Variants in RIPOR3 observed in about 807,000 individuals in gnomAD.
RIPOR3 encodes family with sequence similarity 65 member C.
Under a neutral mutation model 114.3 loss-of-function variants are expected in RIPOR3, and 95 were observed. That is an observed-to-expected ratio of 0.83 (90% CI 0.70 to 0.99). RIPOR3 has a LOEUF of 0.99. Among genes scored for constraint, RIPOR3 ranks in the 50% least tolerant of loss-of-function variants. The pLI, the probability that RIPOR3 is intolerant of heterozygous loss-of-function variation, is 0.00. For missense variants in RIPOR3, 1,252 were observed against 1,266.9 expected (o/e 0.99, Z 0.18); for synonymous variants, 575 against 543.8 (o/e 1.06, Z -0.80).
intron 1 of RIPOR3, among the ~76,000 whole-genome samples, 163 bp from the exon 2 acceptor site, chr20:50,631,019 T>C (rs1409175262): frequency 6.6e-6 from 1 of 152,138 alleles, no homozygotes; most frequent in Non-Finnish European, 1.5e-5. Flanking sequence ...TGAGGTCCCA[T>C]GAGGTTAGGG....
chr20:50,623,559 G>A (rs1013474037), intron 2 of RIPOR3, among the ~76,000 whole-genome samples: 1 of 152,140 alleles, frequency 6.6e-6, no homozygotes, highest in East Asian at 1.9e-4. Context: ...TAGTTTTGGG[G>A]ACCCAGGATG....
chr20:50,593,024 C>A lies in RIPOR3; in HGVS notation c.2374+11G>T, dbSNP rs1481487942. ...TTCCTCTGCTATGACAGCCACCCAC[C>A]CCAGTCTTACCTTCCTTGGTGAGCT... On this transcript the variant is annotated intron_variant, in intron 18 of 21. Coordinates refer to ENST00000327979, the MANE Select transcript of RIPOR3 (RefSeq NM_001290268.2). The A allele has an allele frequency of 3.1e-6, 5 of 1,613,632 alleles. No homozygotes were observed. The South Asian group carries it at 5.5e-5, about 18-fold the overall frequency.
At chr20:50,674,003 C>A (rs2086609506) in intron 1 of RIPOR3, among the ~76,000 whole-genome samples, 1 of 152,196 alleles carries the variant, frequency 6.6e-6, no homozygotes, top group Admixed American at 6.5e-5. Flanking sequence ...AGGAGTCATG[C>A]TGCTTTCAAT....
At chr20:50,593,302 G>C (rs1438302300) in intron 17 of RIPOR3, 106 bp from the exon 18 acceptor site, 1 of 1,314,964 alleles carries the variant, frequency 7.6e-7, no homozygotes, top group African/African-American at 1.5e-5. Flanking sequence ...GCCGGGCGCA[G>C]TGGCTCGCAC....
intron 1 of RIPOR3, among the ~76,000 whole-genome samples, chr20:50,671,785 GGGATGGAT>G (rs538319586): frequency 6.6e-6 from 1 of 151,890 alleles, no homozygotes; most frequent in Non-Finnish European, 1.5e-5. Flanking sequence ...GGTGGGCGAA[GGGATGGAT>G]GGATGGATGG....
intron 8 of RIPOR3, 50 bp downstream of exon 8, chr20:50,609,231 CCTCAGCAGAAGT>C (rs2083854383): frequency 1.0e-5 from 16 of 1,579,940 alleles, no homozygotes; most frequent in Non-Finnish European, 1.4e-5. Context: ...TTCCCGTGCC[CCTCAGCAGAAGT>C]CTCAGGGCCT....
intron 2 of RIPOR3, among the ~76,000 whole-genome samples, chr20:50,625,316 C>T (rs909868781): frequency 6.6e-6 from 1 of 152,226 alleles, no homozygotes; most frequent in Non-Finnish European, 1.5e-5. Flanking sequence ...AAGTGATCCG[C>T]CTGCCTTGGC....
rs190230484 is a variant in RIPOR3 at position 50,678,247 on chromosome 20, T to C, written c.3+12879A>G. ...AGAGCCCACAAGGCACAGTACAGGT[T>C]TCCTCTCTCCAGTCCACATAAGGGC... On this transcript the variant is annotated intron_variant, in intron 1 of 21. Coordinates refer to ENST00000327979, the MANE Select transcript of RIPOR3 (RefSeq NM_001290268.2). 7.2e-5 allele frequency among the ~76,000 whole-genome samples: 11 copies of C among 152,330 alleles called. No individual in the cohort carries two copies. The East Asian group carries it at 2.1e-3, about 29-fold the overall frequency.
Position 50,615,995 on chromosome 20 carries a change from G to T in RIPOR3, c.348+7C>A, listed in dbSNP as rs750033013. ...CTGGGTGGGAAGCAGGCAGGGAGGG[G>T]TCTCACCAGCCTGGAATTCCTCCTG... On this transcript the variant is annotated splice_region_variant and intron_variant, in intron 4 of 21. Coordinates refer to ENST00000327979, the MANE Select transcript of RIPOR3 (RefSeq NM_001290268.2). 5 of 1,603,880 alleles carry T rather than the reference G, an allele frequency of 3.1e-6. No individual in the cohort carries two copies. In the Admixed American group the frequency reaches 5.1e-5, roughly 16 times the overall value.
intron 14 of RIPOR3, among the ~76,000 whole-genome samples, chr20:50,596,810 G>A (rs1601458414): frequency 6.6e-6 from 1 of 152,360 alleles, no homozygotes; most frequent in East Asian, 1.9e-4. Flanking sequence ...CTTCCATGTG[G>A]TGAGATGCGG....
chr20:50,691,215 C>G lies in RIPOR3; in HGVS notation c.-87G>C, dbSNP rs927218574. ...CTATTGCCGCCAGCAAGCGTCTGCT[C>G]CCATCTGGCCCGGGACTCCCGGACT... On this transcript the variant is annotated 5_prime_UTR_variant, in exon 1 of 22. Coordinates refer to ENST00000327979, the MANE Select transcript of RIPOR3 (RefSeq NM_001290268.2). The G allele has an allele frequency of 2.3e-6, 3 of 1,287,454 alleles. No homozygotes were observed. In the African/African-American group the frequency reaches 4.6e-5, roughly 20 times the overall value. The allele number at this position is 1,287,454 out of a possible 1,614,324, so 79.8% of individuals were successfully genotyped here.
Position 50,586,878 on chromosome 20 carries a change from T to G in RIPOR3, c.*354A>C. The G allele has an allele frequency of 9.1e-6, 2 of 220,898 alleles. No homozygotes were observed. The highest frequency in any genetic ancestry group is 9.1e-6 in the Non-Finnish European group (1 of 109,614). 13.7% of individuals were successfully genotyped at this position (220,898 alleles called of 1,614,324 possible). A position where few individuals can be genotyped will look rare whatever the true frequency, so the allele number is the denominator to read the frequency against. On this transcript the variant is annotated 3_prime_UTR_variant, in exon 22 of 22. Transcript: ENST00000327979. ...GTTCTACACACTTGCCTTGGAGCCTTTTATTTAGGGCCTCAACTTGCCTGG... is the reference window on the plus strand; with the variant it reads ...GTTCTACACACTTGCCTTGGAGCCTGTTATTTAGGGCCTCAACTTGCCTGG...
In RIPOR3 at chr20:50,609,522, C is replaced by T. The variant is rs751630790; in HGVS notation, c.576+51G>A. 1.3e-5 allele frequency: 19 copies of T among 1,433,498 alleles called. No homozygotes were observed. In the South Asian group the frequency reaches 1.8e-4, roughly 14 times the overall value. 88.8% of individuals were successfully genotyped at this position (1,433,498 alleles called of 1,614,324 possible). ...CCCAGCTCTCGATGTCCCCACTGCC[C>T]GGCCCAGCTCTTGCTGCCCCTGCTG... On this transcript the variant is annotated intron_variant, in intron 7 of 21. Coordinates refer to ENST00000327979, the MANE Select transcript of RIPOR3 (RefSeq NM_001290268.2).
intron 19 of RIPOR3, among the ~76,000 whole-genome samples, chr20:50,590,245 A>G (rs6020618): frequency 0.019 from 2,832 of 152,336 alleles, 33 homozygotes; most frequent in East Asian, 0.053. Context: ...TCTCACGACC[A>G]TGGCCACATC....
chr20:50,590,113 T>C lies in RIPOR3; in HGVS notation c.2578-344A>G, dbSNP rs180822494. Reference sequence around the variant, plus strand: ...CTCAGAACAACAGAAGAACTGATCATCCCATGTGCGTTGCCCTCTTCAGCT... The same window carrying C: ...CTCAGAACAACAGAAGAACTGATCACCCCATGTGCGTTGCCCTCTTCAGCT... On this transcript the variant is annotated intron_variant, in intron 19 of 21. Transcript: ENST00000327979. The C allele has an allele frequency of 1.6e-3, 453 of 279,796 alleles. 4 individuals carry two copies. The highest frequency in any genetic ancestry group is 0.014 in the Middle Eastern group (10 of 740). 17.3% of individuals were successfully genotyped at this position (279,796 alleles called of 1,614,324 possible).
chr20:50,681,084 C>T (rs901948160), intron 1 of RIPOR3, among the ~76,000 whole-genome samples: 1 of 151,560 alleles, frequency 6.6e-6, no homozygotes, highest in Non-Finnish European at 1.5e-5. Flanking sequence ...ACTGGCTGGG[C>T]GTGGTGGTGC....
At chr20:50,679,662 G>C (rs1257920438) in intron 1 of RIPOR3, among the ~76,000 whole-genome samples, 103 of 151,060 alleles carry the variant, frequency 6.8e-4, no homozygotes, top group Middle Eastern at 3.4e-3. Flanking sequence ...CTAGCTACTC[G>C]GGAGGCTGAG....
intron 2 of RIPOR3, among the ~76,000 whole-genome samples, chr20:50,625,756 A>G (rs542302662): frequency 5.9e-5 from 9 of 152,152 alleles, no homozygotes; most frequent in Non-Finnish European, 1.2e-4. Context: ...GGGGCAGAGT[A>G]GGACAGTATC....
intron 2 of RIPOR3, among the ~76,000 whole-genome samples, chr20:50,622,243 G>A (rs1374769263): frequency 4.7e-5 from 7 of 149,790 alleles, no homozygotes; most frequent in Admixed American, 2.0e-4. Flanking sequence ...GTGCAATGGT[G>A]CAATCTCGGC....
Sources: allele counts gnomAD v4.1 joint callset (sites outside exome capture counted in the v4.1 genomes callset), GRCh38; gene constraint gnomAD v4.1.1; transcripts MANE v1.5; gene names NCBI Gene and HGNC (gene_info 2026-07-23, HGNC 2026-07-21).